Variants in HSD17B12 observed in about 807,000 individuals in gnomAD.
The protein encoded by HSD17B12 is very-long-chain 3-oxoacyl-CoA reductase.
Under a neutral mutation model 39.3 loss-of-function variants are expected in HSD17B12, and 32 were observed. The observed-to-expected ratio is 0.81, with a 90% confidence interval of 0.61 to 1.09. The LOEUF (loss-of-function observed/expected upper bound fraction) is 1.09, where lower values mean the gene tolerates loss of function less well. Among genes scored for constraint, HSD17B12 ranks in the 50% least tolerant of loss-of-function variants. The pLI is 0.00. For synonymous variants in HSD17B12, 150 were observed against 146.7 expected, an observed-to-expected ratio of 1.02 and a Z score of -0.16; for missense variants, 342 against 382.9, an observed-to-expected ratio of 0.89 and a Z score of 0.89.
chr11:43,566,826 C>A, the HSD17B12 span, among the ~76,000 whole-genome samples: 7 of 152,196 alleles, frequency 4.6e-5, no homozygotes, highest in African/African-American at 1.7e-4. Flanking sequence ...CCACGCCCAG[C>A]CCCCAGAACA....
intron 6 of HSD17B12, among the ~76,000 whole-genome samples, chr11:43,828,616 CAA>C (rs139649849): frequency 0.015 from 2,291 of 152,082 alleles, 66 homozygotes; most frequent in African/African-American, 0.051. Flanking sequence ...TTAAGAGGAA[CAA>C]AAATTTTTCT....
At chr11:43,679,419 A>G (rs961561429), upstream of HSD17B12, among the ~76,000 whole-genome samples, 1 of 152,244 alleles carries the variant, frequency 6.6e-6, no homozygotes, top group African/African-American at 2.4e-5. Flanking sequence ...CCCTGTTTGC[A>G]GATGACATAA....
chr11:43,718,970 A>G, intron 1 of HSD17B12: 2 of 1,051,214 alleles, frequency 1.9e-6, no homozygotes, highest in Non-Finnish European at 2.9e-6. Context: ...ACTTGTGTTC[A>G]TTGTGGATGT....
At chr11:43,577,781 G>C in the HSD17B12 span, among the ~76,000 whole-genome samples, 1 of 152,244 alleles carries the variant, frequency 6.6e-6, no homozygotes, top group Non-Finnish European at 1.5e-5. Context: ...GCGATGCGCA[G>C]AGAATCCAAG....
intron 1 of HSD17B12, among the ~76,000 whole-genome samples, chr11:43,748,627 CAAA>C (rs983578023): frequency 6.6e-6 from 1 of 151,930 alleles, no homozygotes; most frequent in African/African-American, 2.4e-5. Context: ...ATTAAAAAAA[CAAA>C]AACAAAAGTT....
chr11:43,819,045 A>G (rs1008975063), intron 6 of HSD17B12, among the ~76,000 whole-genome samples: 1 of 152,204 alleles, frequency 6.6e-6, no homozygotes, highest in Admixed American at 6.5e-5. Flanking sequence ...GTTAAAAACA[A>G]TGTACATGTG....
intron 3 of HSD17B12, among the ~76,000 whole-genome samples, chr11:43,797,821 G>A (rs547119274): frequency 6.6e-6 from 1 of 152,216 alleles, no homozygotes; most frequent in African/African-American, 2.4e-5. Context: ...TATTAACCAA[G>A]CTCCCAAATT....
intron 3 of HSD17B12, among the ~76,000 whole-genome samples, chr11:43,787,566 A>G (rs1008742748): frequency 2.0e-5 from 3 of 151,814 alleles, no homozygotes; most frequent in African/African-American, 4.8e-5. Flanking sequence ...GTGAAACTCC[A>G]TGTCTACTAA....
chr11:43,821,656 G>A (rs1176777921), intron 6 of HSD17B12, among the ~76,000 whole-genome samples: 1 of 152,154 alleles, frequency 6.6e-6, no homozygotes, highest in African/African-American at 2.4e-5. Context: ...GCTATTGATT[G>A]CTATTAGAGA....
intron 3 of HSD17B12, among the ~76,000 whole-genome samples, chr11:43,766,025 C>T (rs555353344): frequency 7.9e-4 from 120 of 152,278 alleles, no homozygotes; most frequent in African/African-American, 2.7e-3. Flanking sequence ...CGGGGTTTCA[C>T]CATGTTAGCC....
At chr11:43,587,394 AT>A in the HSD17B12 span, among the ~76,000 whole-genome samples, 5 of 152,000 alleles carry the variant, frequency 3.3e-5, no homozygotes, top group Non-Finnish European at 5.9e-5. Context: ...CCAAGTTAAA[AT>A]TTTTTTCATT....
upstream of HSD17B12, among the ~76,000 whole-genome samples, chr11:43,679,146 T>C (rs1436906140): frequency 6.6e-6 from 1 of 152,248 alleles, no homozygotes; most frequent in African/African-American, 2.4e-5. Context: ...GAAGAGGTCC[T>C]TCACATCCCT....
At chr11:43,628,071 A>C in the HSD17B12 span, among the ~76,000 whole-genome samples, 4 of 149,846 alleles carry the variant, frequency 2.7e-5, no homozygotes, top group Admixed American at 2.7e-4. Flanking sequence ...TCAGTTTCCT[A>C]TGTCTTGTTT....
chr11:43,817,004 CTA>C (rs1217754255), intron 6 of HSD17B12, among the ~76,000 whole-genome samples: 29,866 of 100,214 alleles, frequency 0.3, 3,586 homozygotes, highest in Middle Eastern at 0.45. Context: ...ATATCTATAT[CTA>C]TATCTATATC....
intron 3 of HSD17B12, among the ~76,000 whole-genome samples, chr11:43,796,382 A>G (rs1280380752): frequency 6.6e-6 from 1 of 152,156 alleles, no homozygotes; most frequent in Non-Finnish European, 1.5e-5. Flanking sequence ...CTCACAATAG[A>G]GGCAGTGAAG....
the HSD17B12 span, chr11:43,581,565 G>C: frequency 2.4e-6 from 1 of 413,698 alleles, no homozygotes; most frequent in Non-Finnish European, 5.1e-6. This position sits in a 1 kb window ranked among gnomAD's most constrained non-coding sequence, Gnocchi z 4.9. Flanking sequence ...GCCTTACCCG[G>C]CCCTTTCCCC....
intron 1 of HSD17B12, chr11:43,733,966 C>T: frequency 1.4e-6 from 1 of 707,504 alleles, no homozygotes; most frequent in Non-Finnish European, 2.6e-6. Context: ...CTTTGCTGTT[C>T]TCGACCACGT....
chr11:43,703,343 C>T (rs939881816), intron 1 of HSD17B12, among the ~76,000 whole-genome samples: 5 of 151,940 alleles, frequency 3.3e-5, no homozygotes, highest in Admixed American at 6.6e-5. Context: ...TACAGGCGCC[C>T]GCCACTACGC....
intron 6 of HSD17B12, among the ~76,000 whole-genome samples, chr11:43,821,099 C>T (rs1349718012): frequency 6.6e-6 from 1 of 152,112 alleles, no homozygotes; most frequent in African/African-American, 2.4e-5. Flanking sequence ...GGCTATAGAC[C>T]CATGATGTTT....
Sources: allele counts gnomAD v4.1 joint callset (sites outside exome capture counted in the v4.1 genomes callset), GRCh38; gene constraint gnomAD v4.1.1; non-coding constraint Gnocchi (gnomAD v3.1); transcripts MANE v1.5; gene names NCBI Gene and HGNC (gene_info 2026-07-23, HGNC 2026-07-21).